The following PKIB variants were observed in gnomAD, a reference collection of about 807,000 sequenced individuals.
The protein encoded by PKIB is cAMP-dependent protein kinase inhibitor beta.
In PKIB, 2 loss-of-function variants were observed where a neutral mutation model predicts 4.5. The observed-to-expected ratio is 0.44, with a 90% CI of 0.18 to 1.39. The LOEUF (loss-of-function observed/expected upper bound fraction) is 1.39. PKIB is among the 40% of genes most tolerant of loss of function. The probability of loss-of-function intolerance (pLI) is 0.27; values close to 1 mark genes in which losing one functional copy is unlikely to be tolerated. For synonymous variants in PKIB, 38 were observed against 36.0 expected (o/e 1.06, Z -0.20); for missense variants, 94 against 92.6 (o/e 1.02, Z -0.06).
intron 2 of PKIB, among the ~76,000 whole-genome samples, chr6:122,659,716 G>C (rs1015530731): frequency 5.3e-5 from 8 of 152,102 alleles, no homozygotes; most frequent in Admixed American, 5.2e-4. Context: ...TCTCAGTCTT[G>C]AGCTATTTTT....
intron 3 of PKIB, among the ~76,000 whole-genome samples, chr6:122,689,498 T>C (rs886524171): frequency 6.6e-6 from 1 of 152,216 alleles, no homozygotes; most frequent in African/African-American, 2.4e-5. Flanking sequence ...TCAATTTCCT[T>C]CTTAATTTCT....
intron 2 of PKIB, among the ~76,000 whole-genome samples, chr6:122,552,901 G>A (rs527992991): frequency 6.6e-6 from 1 of 152,170 alleles, no homozygotes; most frequent in East Asian, 1.9e-4. Context: ...ACAGAAATAG[G>A]TTCATCTTTG....
intron 2 of PKIB, chr6:122,481,602 G>A (rs79147648): frequency 6.6e-6 from 1 of 152,096 alleles, no homozygotes; most frequent in South Asian, 2.1e-4. Context: ...GTACATTGTA[G>A]TATATGGGAG....
chr6:122,582,600 A>C (rs1773734658), intron 2 of PKIB, among the ~76,000 whole-genome samples: 1 of 152,084 alleles, frequency 6.6e-6, no homozygotes, highest in African/African-American at 2.4e-5. Context: ...AGACATATAG[A>C]TATGTAACCA....
At chr6:122,666,511 AG>A (rs920071584) in intron 2 of PKIB, among the ~76,000 whole-genome samples, 2 of 152,186 alleles carry the variant, frequency 1.3e-5, no homozygotes, top group Non-Finnish European at 2.9e-5. Flanking sequence ...TTCCACCTCT[AG>A]GAGTCTATCA....
intron 1 of PKIB, among the ~76,000 whole-genome samples, chr6:122,631,115 C>T (rs1454829755): frequency 1.3e-5 from 2 of 152,182 alleles, no homozygotes; most frequent in African/African-American, 2.4e-5. Context: ...CATCCTATTA[C>T]ACACACTCTA....
intron 2 of PKIB, among the ~76,000 whole-genome samples, chr6:122,567,073 C>T (rs918368737): frequency 1.3e-5 from 2 of 152,178 alleles, no homozygotes; most frequent in Non-Finnish European, 2.9e-5. Flanking sequence ...TTTCAATAGG[C>T]TGTCACCAGC....
At chr6:122,623,819 A>T (rs1387605735) in intron 1 of PKIB, among the ~76,000 whole-genome samples, 1 of 147,732 alleles carries the variant, frequency 6.8e-6, no homozygotes, top group African/African-American at 2.5e-5. Flanking sequence ...ATATACTGAA[A>T]GCTACTTTTA....
chr6:122,641,096 A>G (rs949144866), intron 2 of PKIB, among the ~76,000 whole-genome samples: 1 of 152,192 alleles, frequency 6.6e-6, no homozygotes, highest in Non-Finnish European at 1.5e-5. Flanking sequence ...AGAAGCTCCT[A>G]TGAATTAGTA....
intron 2 of PKIB, among the ~76,000 whole-genome samples, chr6:122,667,096 C>T (rs952925949): frequency 2.6e-5 from 4 of 152,150 alleles, no homozygotes; most frequent in African/African-American, 9.7e-5. Context: ...TTTCATTGGC[C>T]TTCTTCTGTG....
At chr6:122,528,906 AAAAG>A (rs1777174447) in intron 2 of PKIB, among the ~76,000 whole-genome samples, 1 of 152,098 alleles carries the variant, frequency 6.6e-6, no homozygotes, top group Non-Finnish European at 1.5e-5. Context: ...AAAATGGAAA[AAAAG>A]ACACAATTCT....
At chr6:122,498,002 A>G (rs1318268089) in intron 2 of PKIB, among the ~76,000 whole-genome samples, 1 of 152,178 alleles carries the variant, frequency 6.6e-6, no homozygotes, top group Non-Finnish European at 1.5e-5. Flanking sequence ...AAATCAAAAT[A>G]ATACCAACCA....
intron 2 of PKIB, among the ~76,000 whole-genome samples, chr6:122,557,781 A>C (rs1772890255): frequency 6.6e-6 from 1 of 152,122 alleles, no homozygotes; most frequent in Non-Finnish European, 1.5e-5. Flanking sequence ...GCAATCATTG[A>C]CTTTTTTACT....
At chr6:122,601,534 G>T (rs1328939137) in intron 3 of PKIB, among the ~76,000 whole-genome samples, 2 of 152,040 alleles carry the variant, frequency 1.3e-5, no homozygotes, top group African/African-American at 2.4e-5. Flanking sequence ...TTTGAACTGC[G>T]TGGGTCCACT....
chr6:122,586,278 G>A (rs1364559257), intron 3 of PKIB, among the ~76,000 whole-genome samples: 1 of 152,050 alleles, frequency 6.6e-6, no homozygotes, highest in Admixed American at 6.6e-5. Context: ...TTCTGTCCTG[G>A]TTAGGTTTTT....
intron 2 of PKIB, among the ~76,000 whole-genome samples, chr6:122,670,825 G>A (rs1389337210): frequency 6.6e-6 from 1 of 152,098 alleles, no homozygotes; most frequent in Non-Finnish European, 1.5e-5. Flanking sequence ...TAGTGCTTGA[G>A]AGGTTAAATG....
intron 2 of PKIB, among the ~76,000 whole-genome samples, chr6:122,640,422 T>C (rs1369946493): frequency 6.6e-6 from 1 of 152,238 alleles, no homozygotes; most frequent in Non-Finnish European, 1.5e-5. Context: ...GGAAAGATTT[T>C]TTTTAGCTCA....
At chr6:122,582,686 G>A (rs182161146) in intron 2 of PKIB, among the ~76,000 whole-genome samples, 1 of 152,048 alleles carries the variant, frequency 6.6e-6, no homozygotes, top group East Asian at 1.9e-4. Flanking sequence ...GATAGAAAGT[G>A]CATTTCTTTT....
chr6:122,676,119 C>T (rs1777662942), intron 3 of PKIB, among the ~76,000 whole-genome samples: 1 of 151,622 alleles, frequency 6.6e-6, no homozygotes, highest in African/African-American at 2.4e-5. Flanking sequence ...AATGGGAGCG[C>T]TGAGCTTGTT....
Sources: gnomAD v4.1 joint callset for allele counts (sites outside exome capture counted in the v4.1 genomes callset) on GRCh38, gnomAD v4.1.1 for gene constraint, MANE v1.5 for transcripts, NCBI Gene and HGNC (gene_info 2026-07-23, HGNC 2026-07-21) for gene names.